CMTM4: variants seen among roughly 807,000 people sequenced by gnomAD.
CMTM4 encodes CKLF-like MARVEL transmembrane domain-containing protein 4.
Under a neutral mutation model 19.0 loss-of-function variants are expected in CMTM4, and 8 were observed. The observed-to-expected ratio is 0.42, with a 90% CI of 0.25 to 0.76. The LOEUF is 0.76. Ranked by LOEUF, CMTM4 falls within the 30% of genes least tolerant of loss-of-function variation. CMTM4 has a pLI of 0.27. For synonymous variants in CMTM4, 106 were observed against 121.1 expected (o/e 0.88, Z 0.82); for missense variants, 228 against 290.2 (o/e 0.79, Z 1.56).
intron 1 of CMTM4, among the ~76,000 whole-genome samples, chr16:66,674,789 T>C (rs2016778121): frequency 1.4e-5 from 2 of 142,912 alleles, no homozygotes; most frequent in Non-Finnish European, 3.0e-5. Context: ...TTGCCCAGGC[T>C]GGAGTGCAGT....
At chr16:66,598,995 A>G in the CMTM4 span, among the ~76,000 whole-genome samples, 1 of 151,910 alleles carries the variant, frequency 6.6e-6, no homozygotes, top group South Asian at 2.1e-4. Context: ...AAAAGAAATA[A>G]GAGGCTGGAC....
At chr16:66,631,622 T>C (rs530069742) in intron 2 of CMTM4, among the ~76,000 whole-genome samples, 69 of 152,208 alleles carry the variant, frequency 4.5e-4, no homozygotes, top group Admixed American at 7.2e-4. Context: ...TGTTGATCTA[T>C]GACCTTACCC....
chr16:66,624,908 G>C (rs1487339796), intron 2 of CMTM4, among the ~76,000 whole-genome samples: 1 of 152,240 alleles, frequency 6.6e-6, no homozygotes, highest in Non-Finnish European at 1.5e-5. Flanking sequence ...TTTCAGCTAT[G>C]ACCTGCGTAA....
At chr16:66,678,886 T>G (rs2016855664) in intron 1 of CMTM4, among the ~76,000 whole-genome samples, 1 of 152,056 alleles carries the variant, frequency 6.6e-6, no homozygotes. Flanking sequence ...GTGGATCACT[T>G]GAGTCCAGGA....
chr16:66,605,304 T>G, the CMTM4 span: 2 of 187,312 alleles, frequency 1.1e-5, no homozygotes, highest in Non-Finnish European at 1.1e-5. This position sits in a 1 kb window ranked among gnomAD's most constrained non-coding sequence, Gnocchi z 4.6. Context: ...CCTCCGGGAC[T>G]CCCGGGCCGC....
chr16:66,664,965 C>T (rs866875089), intron 1 of CMTM4, among the ~76,000 whole-genome samples: 8 of 151,862 alleles, frequency 5.3e-5, no homozygotes, highest in South Asian at 2.1e-4. Context: ...CCTGTTTCTC[C>T]GAGAGAGAGT....
chr16:66,601,214 T>C, the CMTM4 span, among the ~76,000 whole-genome samples: 1 of 152,018 alleles, frequency 6.6e-6, no homozygotes, highest in South Asian at 2.1e-4. Context: ...CTGTGGCCAG[T>C]GGCACCTTTG....
At position 66,669,259 on chromosome 16, in the gene CMTM4, T is replaced by C. The variant is rs139827994; in HGVS notation, c.186+27081A>G. ...TACTTATGATTCCATTTCTGTGACA[T>C]TCTGGAAATGACAAAACTATACTGA... is the stretch of plus-strand genomic sequence containing the variant. On this transcript the variant is annotated intron_variant, in intron 1 of 3. Coordinates refer to ENST00000394106, the MANE Select transcript of CMTM4 (RefSeq NM_181521.3). Among the ~76,000 whole-genome samples the C allele has an allele frequency of 2.2e-4, 33 of 152,254 alleles. No individual in the cohort carries two copies. The East Asian group carries it at 5.4e-3, about 25-fold the overall frequency.
chr16:66,683,833 T>C, intron 1 of CMTM4, among the ~76,000 whole-genome samples: 1 of 151,886 alleles, frequency 6.6e-6, no homozygotes, highest in East Asian at 1.9e-4. Flanking sequence ...AGGTCTCTTT[T>C]GAGCGGGAAC....
At chr16:66,612,000 C>A (rs551771554), downstream of CMTM4, among the ~76,000 whole-genome samples, 2 of 152,262 alleles carry the variant, frequency 1.3e-5, no homozygotes, top group African/African-American at 4.8e-5. Flanking sequence ...CCCTGACCCA[C>A]CCAGCTGAGA....
At chr16:66,624,465 T>C (rs542015443) in intron 2 of CMTM4, among the ~76,000 whole-genome samples, 26 of 152,332 alleles carry the variant, frequency 1.7e-4, no homozygotes, top group African/African-American at 5.8e-4. Flanking sequence ...GTCGATTTCC[T>C]CTTTTTGAAG....
At chr16:66,683,571 G>A (rs1185653921) in intron 1 of CMTM4, among the ~76,000 whole-genome samples, 8 of 151,500 alleles carry the variant, frequency 5.3e-5, no homozygotes, top group Non-Finnish European at 1.0e-4. Context: ...GAGCTACCAC[G>A]CCCGGCCCAT....
chr16:66,618,869 C>T lies in CMTM4; in HGVS notation c.*3189G>A, dbSNP rs544916247. 3.0e-6 allele frequency: 3 copies of T among 985,526 alleles called. No homozygotes were observed. The highest frequency in any genetic ancestry group is 4.7e-5 in the South Asian group (1 of 21,294). The allele number at this position is 985,526 out of a possible 1,614,324, so 61.0% of individuals were successfully genotyped here. A position where few individuals can be genotyped will look rare whatever the true frequency, so the allele number is the denominator to read the frequency against. The stretch of plus-strand genomic sequence containing the variant: ...CCTGCCAGGGGACAGTAACAGGGCC[C>T]GAAGGGCTGGGGGTGCCGCTGGCTT... On this transcript the variant is annotated 3_prime_UTR_variant, in exon 4 of 4. Transcript: ENST00000394106.
chr16:66,658,753 G>T (rs1414587544), intron 1 of CMTM4, among the ~76,000 whole-genome samples: 1 of 152,142 alleles, frequency 6.6e-6, no homozygotes, highest in South Asian at 2.1e-4. Context: ...AGTGGAGAAA[G>T]CCAAAAATGT....
At chr16:66,604,999 C>T in the CMTM4 span, 3 of 1,409,364 alleles carry the variant, frequency 2.1e-6, no homozygotes, top group Non-Finnish European at 2.8e-6. Flanking sequence ...CTGCGCGGCT[C>T]CTTTCGGAGG....
intron 2 of CMTM4, among the ~76,000 whole-genome samples, chr16:66,634,493 T>C (rs2015953075): frequency 1.3e-5 from 2 of 151,138 alleles, no homozygotes; most frequent in African/African-American, 4.9e-5. Flanking sequence ...TTTCTGGGGA[T>C]AAACGCTGGT....
intron 1 of CMTM4, among the ~76,000 whole-genome samples, chr16:66,683,157 A>G (rs2016954856): frequency 1.6e-5 from 2 of 123,332 alleles, no homozygotes. Flanking sequence ...GTATATATAT[A>G]TACGTATATA....
chr16:66,654,168 C>T (rs2016358958), intron 1 of CMTM4, among the ~76,000 whole-genome samples: 1 of 152,190 alleles, frequency 6.6e-6, no homozygotes, highest in African/African-American at 2.4e-5. Context: ...ATTTTCATCA[C>T]CCCAGGAAGA....
chr16:66,643,775 T>C (rs925085389), intron 1 of CMTM4, among the ~76,000 whole-genome samples: 1 of 152,140 alleles, frequency 6.6e-6, no homozygotes, highest in African/African-American at 2.4e-5. Flanking sequence ...TATTTTGATA[T>C]GGAGTTTCGC....
Sources: allele counts gnomAD v4.1 joint callset (sites outside exome capture counted in the v4.1 genomes callset), GRCh38; gene constraint gnomAD v4.1.1; non-coding constraint Gnocchi (gnomAD v3.1); transcripts MANE v1.5; gene names NCBI Gene and HGNC (gene_info 2026-07-23, HGNC 2026-07-21).